PPTC7: variants seen among roughly 807,000 people sequenced by gnomAD.
PPTC7 encodes the protein protein phosphatase targeting COQ7, also known as protein phosphatase PTC7 homolog.
In PPTC7, 6 loss-of-function variants were observed where a neutral mutation model predicts 30.8. The ratio of observed to expected loss-of-function variants is 0.19; its 90% CI spans 0.11 to 0.38. The LOEUF is 0.38. Among genes scored for constraint, PPTC7 ranks in the 10% least tolerant of loss-of-function variants. PPTC7 has a pLI of 1.00. For synonymous variants in PPTC7, 163 were observed against 168.1 expected, an observed-to-expected ratio of 0.97 and a Z score of 0.23; for missense variants, 218 against 404.8, an observed-to-expected ratio of 0.54 and a Z score of 3.96.
chr12:110,563,493 T>C (rs2064455755), intron 1 of PPTC7, among the ~76,000 whole-genome samples: 1 of 151,920 alleles, frequency 6.6e-6, no homozygotes, highest in Non-Finnish European at 1.5e-5. Flanking sequence ...CACATGCCTG[T>C]AATCCCAGCT....
At chr12:110,563,555 T>C (rs968767939) in intron 1 of PPTC7, among the ~76,000 whole-genome samples, 2 of 150,784 alleles carry the variant, frequency 1.3e-5, no homozygotes, top group South Asian at 2.1e-4. Context: ...GCAGAGGTTG[T>C]GGTGAGCCGA....
At chr12:110,548,177 C>T (rs1417787628) in intron 2 of PPTC7, among the ~76,000 whole-genome samples, 4 of 151,398 alleles carry the variant, frequency 2.6e-5, no homozygotes, top group Non-Finnish European at 4.4e-5. Context: ...CTGTTGTGGG[C>T]ACATAGTAGA....
At chr12:110,537,611 A>T (rs1431118345) in intron 5 of PPTC7, among the ~76,000 whole-genome samples, 1 of 152,208 alleles carries the variant, frequency 6.6e-6, no homozygotes, top group Non-Finnish European at 1.5e-5. Flanking sequence ...TAGCACCAAC[A>T]TGTCCCAGCC....
At chr12:110,571,637 T>C (rs1299567618) in intron 1 of PPTC7, among the ~76,000 whole-genome samples, 1 of 152,166 alleles carries the variant, frequency 6.6e-6, no homozygotes, top group Non-Finnish European at 1.5e-5. Flanking sequence ...CTGTGCCTAA[T>C]TTATAAATTA....
chr12:110,540,016 C>CA (rs2064245776), intron 3 of PPTC7, 71 bp from the exon 4 acceptor site: 1 of 1,377,682 alleles, frequency 7.3e-7, no homozygotes, highest in Middle Eastern at 1.9e-4. Context: ...GTCCTACAGG[C>CA]ACTATTTTAC....
Position 110,539,911 on chromosome 12 carries a change from G to A in PPTC7, c.637C>T (p.Gln213Ter). 1 of 1,614,014 alleles carries A rather than the reference G, an allele frequency of 6.2e-7. No individual in the cohort carries two copies. The highest frequency in any genetic ancestry group is 8.5e-7 in the Non-Finnish European group (1 of 1,179,944). The change falls in exon 4 of 6, where the codon CAG (glutamine) becomes TAG (stop). Residue 213 changes from glutamine (Q) to a stop codon, truncating the protein, a stop_gained. Transcript: ENST00000354300. LOFTEE classifies it high-confidence loss of function. ...DAADSTSFDV[Q>*]LGDIILTATD... is the part of the protein sequence containing the mutation. ...GCCGTCAGGATAATGTCTCCTAGCTGGACATCGAAAGACGTGCTATCAGCA... is the reference window on the plus strand; with the variant it reads ...GCCGTCAGGATAATGTCTCCTAGCTAGACATCGAAAGACGTGCTATCAGCA...
intron 1 of PPTC7, among the ~76,000 whole-genome samples, chr12:110,575,607 CAAAAAAAAAAAAAAAA>C (rs55831249): frequency 1.9e-4 from 5 of 26,520 alleles, no homozygotes; most frequent in African/African-American, 7.0e-4. Context: ...AACCCCACCT[CAAAAAAAAAAAAAAAA>C]AAAAAAAAAA....
rs571333677 is a variant in PPTC7 at position 110,568,892 on chromosome 12, G to A, written c.223+13917C>T. 9.0e-4 allele frequency among the ~76,000 whole-genome samples: 137 copies of A among 152,318 alleles called. 1 individual carries two copies. In the South Asian group the frequency reaches 0.012, roughly 14 times the overall value. ...CTGCCAGGCAAGGTGGCTCAAGCCT[G>A]TAGTCTCAACTACTTGAGAGGCTGA... On this transcript the variant is annotated intron_variant, in intron 1 of 5. Coordinates refer to ENST00000354300, the MANE Select transcript of PPTC7 (RefSeq NM_139283.2).
intron 1 of PPTC7, among the ~76,000 whole-genome samples, chr12:110,558,689 G>A (rs1438518786): frequency 2.0e-5 from 3 of 151,378 alleles, no homozygotes; most frequent in Non-Finnish European, 4.4e-5. Flanking sequence ...GCAGTGGTGC[G>A]ATATTGGCTC....
chr12:110,555,514 A>G (rs1458840584), intron 1 of PPTC7, among the ~76,000 whole-genome samples: 3 of 152,232 alleles, frequency 2.0e-5, no homozygotes, highest in African/African-American at 2.4e-5. Flanking sequence ...AATAACAATG[A>G]TAACAAGTTT....
intron 1 of PPTC7, among the ~76,000 whole-genome samples, chr12:110,579,735 G>GGA (rs1203998924): frequency 2.0e-4 from 31 of 152,314 alleles, no homozygotes; most frequent in Admixed American, 9.8e-4. Flanking sequence ...AATATGGGCT[G>GGA]GGCGCGGTGG....
rs1013785684 is a variant in PPTC7 at position 110,562,837 on chromosome 12, T to C, written c.224-10869A>G. On this transcript the variant is annotated intron_variant, in intron 1 of 5. Transcript: ENST00000354300. ...GAAAAAAAAAAAGAAGAAAGATGTT[T>C]CTGGCCAGTCGCGGTGGCTCATGCC... Among the ~76,000 whole-genome samples, 23 of 150,352 alleles carry C rather than the reference T, an allele frequency of 1.5e-4. 1 individual carries two copies. Among genetic ancestry groups the C allele is most frequent in the African/African-American group, 5.1e-4 (21 of 40,936 alleles).
At chr12:110,541,509 A>G (rs1465025845) in intron 3 of PPTC7, among the ~76,000 whole-genome samples, 2 of 150,780 alleles carry the variant, frequency 1.3e-5, no homozygotes, top group African/African-American at 4.9e-5. Context: ...GGAGTTTGAG[A>G]CCAGCCTGGT....
intron 1 of PPTC7, among the ~76,000 whole-genome samples, chr12:110,554,184 T>A (rs1288177198): frequency 6.6e-6 from 1 of 152,194 alleles, no homozygotes; most frequent in Non-Finnish European, 1.5e-5. Context: ...TAACTATTAT[T>A]ATTTTTAGAG....
intron 2 of PPTC7, among the ~76,000 whole-genome samples, chr12:110,548,860 T>A (rs1179099275): frequency 6.6e-6 from 1 of 151,958 alleles, no homozygotes; most frequent in Non-Finnish European, 1.5e-5. Flanking sequence ...GGGCTTGGAG[T>A]GTACCCTCCT....
intron 1 of PPTC7, among the ~76,000 whole-genome samples, chr12:110,577,090 C>A (rs567035870): frequency 3.3e-5 from 5 of 150,074 alleles, no homozygotes; most frequent in South Asian, 4.2e-4. Flanking sequence ...CTGTTTGAAC[C>A]CAGGAGGCAG....
At position 110,535,965 on chromosome 12, in the gene PPTC7, ACGTCTGTGCTGCTGC is replaced by A. The variant is rs1280148478; in HGVS notation, c.*1057_*1071del. The A allele has an allele frequency of 1.3e-5, 2 of 152,624 alleles. No individual in the cohort carries two copies. Among genetic ancestry groups the A allele is most frequent in the African/African-American group, 2.4e-5 (1 of 41,478 alleles). 9.5% of individuals were successfully genotyped at this position (152,624 alleles called of 1,614,324 possible). Reference sequence around the variant, plus strand: ...TCATCACTGGGAGTTTTCCTCATGGACGTCTGTGCTGCTGCCGCTGCGCACACAGTGCTCTCTCCA... The same window carrying A: ...TCATCACTGGGAGTTTTCCTCATGGACGCTGCGCACACAGTGCTCTCTCCA... On this transcript the variant is annotated 3_prime_UTR_variant, in exon 6 of 6. Coordinates refer to ENST00000354300, the MANE Select transcript of PPTC7 (RefSeq NM_139283.2).
In PPTC7 at chr12:110,559,812, G is replaced by A. The variant is rs531036828; in HGVS notation, c.224-7844C>T. On this transcript the variant is annotated intron_variant, in intron 1 of 5. Transcript: ENST00000354300. ...CAGTGGTGTAGTAATAGCTCACTGC[G>A]GCCTCAAACTCCTGAGCTCAAGAGA... Among the ~76,000 whole-genome samples the A allele has an allele frequency of 9.8e-4, 148 of 151,616 alleles. 2 individuals are homozygous for A. Among genetic ancestry groups the A allele is most frequent in the Admixed American group, 3.3e-3 (51 of 15,234 alleles).
At chr12:110,574,165 A>AAAAAAAAAAT in intron 1 of PPTC7, among the ~76,000 whole-genome samples, 2 of 147,806 alleles carry the variant, frequency 1.4e-5, no homozygotes, top group Non-Finnish European at 3.0e-5. Flanking sequence ...AAAAAAAAAA[A>AAAAAAAAAAT]AAAAAAAAAT....
Sources: allele counts gnomAD v4.1 joint callset (sites outside exome capture counted in the v4.1 genomes callset), GRCh38; gene constraint gnomAD v4.1.1; transcripts MANE v1.5; gene names NCBI Gene and HGNC (gene_info 2026-07-23, HGNC 2026-07-21).